LPP: variants seen among roughly 807,000 people sequenced by gnomAD.
The protein encoded by LPP is LIM domain containing preferred translocation partner in lipoma.
Under a neutral mutation model 60.4 loss-of-function variants are expected in LPP, and 38 were observed. The observed-to-expected ratio is 0.63, with a 90% CI of 0.49 to 0.83. LPP has a LOEUF of 0.83. Among genes scored for constraint, LPP ranks in the 40% least tolerant of loss-of-function variants. The probability of loss-of-function intolerance (pLI) is 0.00; values close to 1 mark genes in which losing one functional copy is unlikely to be tolerated. For missense variants in LPP, 902 were observed against 783.6 expected (o/e 1.15, Z -1.80); for synonymous variants, 328 against 290.8 (o/e 1.13, Z -1.30).
At chr3:188,292,663 G>C (rs190517067) in intron 2 of LPP, among the ~76,000 whole-genome samples, 3 of 152,184 alleles carry the variant, frequency 2.0e-5, no homozygotes, top group Non-Finnish European at 4.4e-5. Context: ...TCATGTACTA[G>C]AGTATGGTTT....
intron 3 of LPP, among the ~76,000 whole-genome samples, chr3:188,381,587 A>G (rs1776892956): frequency 6.6e-6 from 1 of 152,196 alleles, no homozygotes; most frequent in Non-Finnish European, 1.5e-5. Flanking sequence ...AGGAGTAGGT[A>G]CCCACTTTCC....
chr3:188,883,507 G>A lies in LPP; in HGVS notation c.*9028G>A, dbSNP rs139180530. ...AGCACTTTGGGAGGCCGAGGCGAGC[G>A]GATCATGAGGTCAAGAGATCGAGAC... On this transcript the variant is annotated 3_prime_UTR_variant, in exon 12 of 12. Coordinates refer to ENST00000617246, the MANE Select transcript of LPP (RefSeq NM_001375462.1). 2,542 of 183,652 alleles carry A rather than the reference G, an allele frequency of 0.014. 60 individuals are homozygous for A. The highest frequency in any genetic ancestry group is 0.056 in the African/African-American group (2,378 of 42,500). 11.4% of individuals were successfully genotyped at this position (183,652 alleles called of 1,614,324 possible). A position where few individuals can be genotyped will look rare whatever the true frequency, so the allele number is the denominator to read the frequency against.
chr3:188,248,087 G>A (rs1727661578), intron 2 of LPP, among the ~76,000 whole-genome samples: 1 of 151,924 alleles, frequency 6.6e-6, no homozygotes, highest in Admixed American at 6.6e-5. Flanking sequence ...TTTCTCTGAT[G>A]GTATCTTGCT....
chr3:188,880,374 A>C lies in LPP; in HGVS notation c.*5895A>C, dbSNP rs79573421. ...ATTGACAGGTCCCCTTCAAAGTTACAAAAAAAAGTGCTAATTTTTGCTGTT... is the reference window on the plus strand; with the variant it reads ...ATTGACAGGTCCCCTTCAAAGTTACCAAAAAAAGTGCTAATTTTTGCTGTT... On this transcript the variant is annotated 3_prime_UTR_variant, in exon 12 of 12. Coordinates refer to ENST00000617246, the MANE Select transcript of LPP (RefSeq NM_001375462.1). 15 of 181,994 alleles carry C rather than the reference A, an allele frequency of 8.2e-5. No individual in the cohort carries two copies. The highest frequency in any genetic ancestry group is 1.5e-4 in the Non-Finnish European group (13 of 85,624). 11.3% of individuals were successfully genotyped at this position (181,994 alleles called of 1,614,324 possible).
intron 7 of LPP, among the ~76,000 whole-genome samples, chr3:188,688,590 G>A (rs1351200650): frequency 6.6e-6 from 1 of 152,220 alleles, no homozygotes; most frequent in Non-Finnish European, 1.5e-5. Context: ...GACTTTCTAA[G>A]TAGTACTCAG....
chr3:188,414,549 C>T (rs766239014), intron 4 of LPP, among the ~76,000 whole-genome samples: 11 of 152,120 alleles, frequency 7.2e-5, no homozygotes, highest in Non-Finnish European at 1.5e-4. Context: ...ATGTCATTAG[C>T]TTCTAACAAC....
At chr3:188,726,243 T>C (rs916078529) in intron 8 of LPP, among the ~76,000 whole-genome samples, 1 of 152,134 alleles carries the variant, frequency 6.6e-6, no homozygotes, top group Non-Finnish European at 1.5e-5. Context: ...GGAACCAAGA[T>C]AGTCATCTTG....
At chr3:188,868,981 C>T (rs1213388544) in intron 10 of LPP, among the ~76,000 whole-genome samples, 1 of 152,194 alleles carries the variant, frequency 6.6e-6, no homozygotes. Flanking sequence ...GGCTGAACTC[C>T]ATGAGACAGG....
chr3:188,554,812 G>GA (rs2150571128), intron 6 of LPP, among the ~76,000 whole-genome samples: 1 of 152,234 alleles, frequency 6.6e-6, no homozygotes, highest in African/African-American at 2.4e-5. Flanking sequence ...TTGTTATTAT[G>GA]ACATATTTAT....
chr3:188,484,552 C>A, intron 4 of LPP, 40 bp from the exon 5 acceptor site: 1 of 1,398,264 alleles, frequency 7.2e-7, no homozygotes, highest in Non-Finnish European at 1.0e-6. Context: ...TATAACGTTG[C>A]ATCCTTATTA....
At position 188,818,155 on chromosome 3, in the gene LPP, A is replaced by G. The variant is rs561905998; in HGVS notation, c.1411-48045A>G. Among the ~76,000 whole-genome samples, 9 of 152,306 alleles carry G rather than the reference A, an allele frequency of 5.9e-5. No individual in the cohort carries two copies. The South Asian group carries it at 1.9e-3, about 32-fold the overall frequency. On this transcript the variant is annotated intron_variant, in intron 9 of 11. Transcript: ENST00000617246. Reference sequence around the variant, plus strand: ...GCACAAATGACACCCAGCAAGAAAAATGACTTGCTCAAGACACCACAGCAA... The same window carrying G: ...GCACAAATGACACCCAGCAAGAAAAGTGACTTGCTCAAGACACCACAGCAA...
At chr3:188,590,617 C>T (rs948930278) in intron 6 of LPP, among the ~76,000 whole-genome samples, 1 of 152,080 alleles carries the variant, frequency 6.6e-6, no homozygotes, top group Non-Finnish European at 1.5e-5. Context: ...TTTCACTTCA[C>T]CCTTTATTAT....
intron 3 of LPP, among the ~76,000 whole-genome samples, chr3:188,384,649 G>T (rs934751500): frequency 6.6e-6 from 1 of 152,112 alleles, no homozygotes; most frequent in Admixed American, 6.5e-5. Context: ...AATCAGTCAG[G>T]CATGGTGGCA....
intron 2 of LPP, among the ~76,000 whole-genome samples, chr3:188,274,854 C>T (rs1034189751): frequency 6.6e-6 from 1 of 152,180 alleles, no homozygotes; most frequent in Non-Finnish European, 1.5e-5. Flanking sequence ...AGTTTCACCT[C>T]CAAGTTACCA....
chr3:188,323,722 C>A (rs914454250), intron 2 of LPP, among the ~76,000 whole-genome samples: 1 of 152,172 alleles, frequency 6.6e-6, no homozygotes, highest in Non-Finnish European at 1.5e-5. Flanking sequence ...TCAAGATTTG[C>A]CAGTTGTGAT....
chr3:188,544,168 G>A (rs1007285696), intron 6 of LPP, among the ~76,000 whole-genome samples: 2 of 152,168 alleles, frequency 1.3e-5, no homozygotes, highest in African/African-American at 4.8e-5. Context: ...AGAAGTTGTG[G>A]CTGAACAATG....
intron 9 of LPP, among the ~76,000 whole-genome samples, chr3:188,796,348 T>G (rs1013462441): frequency 2.0e-5 from 3 of 152,310 alleles, no homozygotes; most frequent in African/African-American, 7.2e-5. Context: ...TTTTGAGAGA[T>G]AAACCATGAA....
intron 9 of LPP, among the ~76,000 whole-genome samples, chr3:188,798,080 A>T (rs1577621259): frequency 7.1e-6 from 1 of 140,008 alleles, no homozygotes; most frequent in Non-Finnish European, 1.5e-5. Flanking sequence ...GCCACTTTAT[A>T]TCCTTCATAC....
At chr3:188,490,322 A>G (rs1317573627) in intron 5 of LPP, among the ~76,000 whole-genome samples, 1 of 152,226 alleles carries the variant, frequency 6.6e-6, no homozygotes, top group Non-Finnish European at 1.5e-5. Context: ...GTCAGCCTCC[A>G]AAAGCTCTTG....
Sources: allele counts gnomAD v4.1 joint callset (sites outside exome capture counted in the v4.1 genomes callset), GRCh38; gene constraint gnomAD v4.1.1; transcripts MANE v1.5; gene names NCBI Gene and HGNC (gene_info 2026-07-23, HGNC 2026-07-21).